Variants in PCDHGA9 observed in about 807,000 individuals in gnomAD.
PCDHGA9 encodes protocadherin gamma subfamily A, 9.
A neutral mutation model predicts 62.5 loss-of-function variants in PCDHGA9; 37 were observed. The ratio of observed to expected loss-of-function variants is 0.59; its 90% CI spans 0.46 to 0.78. The LOEUF (loss-of-function observed/expected upper bound fraction) is 0.78. PCDHGA9 is among the 30% of genes least tolerant of loss of function. The probability of loss-of-function intolerance (pLI) is 0.00; values close to 1 mark genes in which losing one functional copy is unlikely to be tolerated. For synonymous variants in PCDHGA9, 459 were observed against 484.6 expected, an observed-to-expected ratio of 0.95 and a Z score of 0.69; for missense variants, 1,138 against 1,166.2, an observed-to-expected ratio of 0.98 and a Z score of 0.35.
At position 141,405,390 on chromosome 5, in the gene PCDHGA9, T is replaced by C. The variant is rs1561700240; in HGVS notation, c.2424+14T>C. On this transcript the variant is annotated intron_variant, in intron 1 of 3. Transcript: ENST00000573521. ...CCTTTGGTTCCGGTGAGTTCATTTT[T>C]TTTCTTTCTTTCTTTTCTTTTTTTG... 1 of 1,600,118 alleles carries C rather than the reference T, an allele frequency of 6.2e-7. No individual in the cohort carries two copies. The highest frequency in any genetic ancestry group is 1.1e-5 in the South Asian group (1 of 88,722).
At chr5:141,454,665 CA>C (rs2098795764) in intron 1 of PCDHGA9, among the ~76,000 whole-genome samples, 3 of 152,058 alleles carry the variant, frequency 2.0e-5, no homozygotes, top group Non-Finnish European at 4.4e-5. Flanking sequence ...CTCGGCCTCC[CA>C]AAACACTGGG....
chr5:141,481,762 G>A (rs1378950651), intron 1 of PCDHGA9, among the ~76,000 whole-genome samples: 3 of 152,126 alleles, frequency 2.0e-5, no homozygotes, highest in African/African-American at 2.4e-5. Flanking sequence ...GACCAGCCTG[G>A]CCAACATGGT....
Position 141,490,888 on chromosome 5 carries a change from C to G in PCDHGA9, c.2425-3919C>G. The G allele has an allele frequency of 1.2e-6, 2 of 1,613,358 alleles. No individual in the cohort carries two copies. The highest frequency in any genetic ancestry group is 1.7e-6 in the Non-Finnish European group (2 of 1,179,390). On this transcript the variant is annotated intron_variant, in intron 1 of 3. Transcript: ENST00000573521. This position sits in a 1 kb window ranked among gnomAD's most constrained non-coding sequence, Gnocchi z 5.4. Reference sequence around the variant, plus strand: ...TCCCCCATTGCATGCCAACACATCTCTGCATGTGTTTGTCCTAGACGAGAA... The same window carrying G: ...TCCCCCATTGCATGCCAACACATCTGTGCATGTGTTTGTCCTAGACGAGAA...
At chr5:141,467,932 TA>T (rs1391978978) in intron 1 of PCDHGA9, among the ~76,000 whole-genome samples, 4 of 152,186 alleles carry the variant, frequency 2.6e-5, no homozygotes, top group Non-Finnish European at 4.4e-5. Flanking sequence ...ATGCTAGGAT[TA>T]CAAGCATGAG....
At chr5:141,448,580 TTACAAAAAGATAAAA>T (rs1484851220) in intron 1 of PCDHGA9, among the ~76,000 whole-genome samples, 1 of 152,180 alleles carries the variant, frequency 6.6e-6, no homozygotes, top group Non-Finnish European at 1.5e-5. Context: ...CCCATTTTTT[TTACAAAAAGATAAAA>T]TACTATACAC....
chr5:141,502,087 C>T (rs1289663374), intron 2 of PCDHGA9, among the ~76,000 whole-genome samples: 1 of 152,180 alleles, frequency 6.6e-6, no homozygotes, highest in Admixed American at 6.5e-5. Context: ...GGGCTGAGAA[C>T]ACCTGGCCTT....
chr5:141,485,865 C>A lies in PCDHGA9; in HGVS notation c.2425-8942C>A. ...TCTGGCACCGCAGAGCTCCGGGTAT[C>A]CGTGCTGGACGTAAACGACAACGCC... On this transcript the variant is annotated intron_variant, in intron 1 of 3. Transcript: ENST00000573521. The surrounding 1 kb of genome is among the most constrained non-coding windows in gnomAD (Gnocchi z 5.7). 1 of 1,614,182 alleles carries A rather than the reference C, an allele frequency of 6.2e-7. No homozygotes were observed. The highest frequency in any genetic ancestry group is 8.5e-7 in the Non-Finnish European group (1 of 1,180,034).
chr5:141,464,578 A>G (rs2099086989), intron 1 of PCDHGA9, among the ~76,000 whole-genome samples: 1 of 152,164 alleles, frequency 6.6e-6, no homozygotes, highest in Non-Finnish European at 1.5e-5. Flanking sequence ...ATAGATGAGA[A>G]TGTCCATTGT....
intron 2 of PCDHGA9, among the ~76,000 whole-genome samples, chr5:141,498,024 A>G (rs1455238086): frequency 6.6e-6 from 1 of 152,200 alleles, no homozygotes; most frequent in East Asian, 1.9e-4. Flanking sequence ...GGAGACAAAT[A>G]TTGACCAAAT....
At chr5:141,474,044 T>A (rs1442885504) in intron 1 of PCDHGA9, among the ~76,000 whole-genome samples, 3 of 152,162 alleles carry the variant, frequency 2.0e-5, no homozygotes. Context: ...TACTCCAGCC[T>A]GGATGACAGA....
intron 1 of PCDHGA9, among the ~76,000 whole-genome samples, chr5:141,492,164 C>G (rs1180358388): frequency 6.6e-6 from 1 of 152,230 alleles, no homozygotes; most frequent in Non-Finnish European, 1.5e-5. Context: ...CTCCCTATCC[C>G]CGCATCACCC....
Position 141,511,042 on chromosome 5 carries a change from G to C in PCDHGA9, c.2668G>C (p.Asp890His), listed in dbSNP as rs774071540. Residue 890 changes from aspartate (D) to histidine (H), a missense_variant, in exon 4 of 4, where the codon GAC becomes CAC. Transcript: ENST00000573521. Reference sequence around the variant, plus strand: ...CCAGTTCACCCTGCAGCACGTGCCCGACTACCGCCAGAATGTCTACATCCC... The same window carrying C: ...CCAGTTCACCCTGCAGCACGTGCCCCACTACCGCCAGAATGTCTACATCCC... ...GPQFTLQHVP[D>H]YRQNVYIPGS... 6.2e-7 allele frequency: 1 copy of C among 1,614,182 alleles called. No homozygotes were observed. Among genetic ancestry groups the C allele is most frequent in the South Asian group, 1.1e-5 (1 of 91,084 alleles).
intron 1 of PCDHGA9, chr5:141,416,261 A>G (rs2096009073): frequency 6.6e-6 from 1 of 152,294 alleles, no homozygotes; most frequent in Non-Finnish European, 1.5e-5. Flanking sequence ...ACACTGCAGT[A>G]TCCTTTTTGC....
rs1049831420 is a variant in PCDHGA9 at position 141,486,549 on chromosome 5, C to T, written c.2425-8258C>T. ...AATCCACCCTCTTTCTTTCAGAGGTCACATGAGGTGTTTGTTCCTGAGAAC... is the reference window on the plus strand; with the variant it reads ...AATCCACCCTCTTTCTTTCAGAGGTTACATGAGGTGTTTGTTCCTGAGAAC... On this transcript the variant is annotated intron_variant, in intron 1 of 3. Coordinates refer to ENST00000573521, the MANE Select transcript of PCDHGA9 (RefSeq NM_018921.3). This position sits in a 1 kb window ranked among gnomAD's most constrained non-coding sequence, Gnocchi z 5.0. The T allele has an allele frequency of 3.1e-6, 5 of 1,613,982 alleles. No individual in the cohort carries two copies. In the African/African-American group the frequency reaches 4.0e-5, roughly 13 times the overall value.
chr5:141,414,659 T>C lies in PCDHGA9; in HGVS notation c.2424+9283T>C, dbSNP rs566999623. On this transcript the variant is annotated intron_variant, in intron 1 of 3. Coordinates refer to ENST00000573521, the MANE Select transcript of PCDHGA9 (RefSeq NM_018921.3). ...GAGAATGCCCAGATTATTTACTCCC[T>C]GGCTGAAGACACCATCCAGGGGGTA... 21 of 1,614,010 alleles carry C rather than the reference T, an allele frequency of 1.3e-5. No homozygotes were observed. In the South Asian group the frequency reaches 2.2e-4, roughly 17 times the overall value.
Position 141,478,910 on chromosome 5 carries a change from A to G in PCDHGA9, c.2425-15897A>G, listed in dbSNP as rs568573298. On this transcript the variant is annotated intron_variant, in intron 1 of 3. Transcript: ENST00000573521. ...ATTTACATTAGGAATAAGCTGCTGG[A>G]TACCTCTAACCAGTGGCAGCTTCTA... 5.3e-4 allele frequency: 474 copies of G among 893,806 alleles called. 7 individuals are homozygous for G. The South Asian group carries it at 6.8e-3, about 13-fold the overall frequency. 55.4% of individuals were successfully genotyped at this position (893,806 alleles called of 1,614,324 possible).
At chr5:141,422,122 A>C in intron 1 of PCDHGA9, 1 of 1,601,714 alleles carries the variant, frequency 6.2e-7, no homozygotes, top group Non-Finnish European at 8.5e-7. Context: ...GGATTCACAA[A>C]CTGGAGAAGT....
intron 1 of PCDHGA9, among the ~76,000 whole-genome samples, chr5:141,466,815 A>G (rs1019952491): frequency 1.3e-5 from 2 of 152,182 alleles, no homozygotes; most frequent in Non-Finnish European, 2.9e-5. Flanking sequence ...CAGACATGGT[A>G]TAACAAGTTA....
chr5:141,511,342 C>T lies in PCDHGA9; in HGVS notation c.*169C>T. On this transcript the variant is annotated 3_prime_UTR_variant, in exon 4 of 4. Transcript: ENST00000573521. The stretch of plus-strand genomic sequence containing the variant: ...AACAAGTGCCCAGTCAGCACCTACC[C>T]CTTCCCCCCCAGGGGGTTGAATATG... The T allele has an allele frequency of 7.0e-7, 1 of 1,425,078 alleles. No individual in the cohort carries two copies. Among genetic ancestry groups the T allele is most frequent in the East Asian group, 2.5e-5 (1 of 40,014 alleles). 88.3% of individuals were successfully genotyped at this position (1,425,078 alleles called of 1,614,324 possible). A position where few individuals can be genotyped will look rare whatever the true frequency, so the allele number is the denominator to read the frequency against.
Sources: gnomAD v4.1 joint callset for allele counts (sites outside exome capture counted in the v4.1 genomes callset) on GRCh38, gnomAD v4.1.1 for gene constraint, Gnocchi (gnomAD v3.1) non-coding constraint, MANE v1.5 for transcripts, NCBI Gene and HGNC (gene_info 2026-07-23, HGNC 2026-07-21) for gene names.